RABGAP1L: variants seen among roughly 807,000 people sequenced by gnomAD.
RABGAP1L encodes the protein RAB GTPase activating protein 1 like, also known as rab GTPase-activating protein 1-like.
RABGAP1L carries 63 observed loss-of-function variants against 137.7 expected under a neutral mutation model. The ratio of observed to expected loss-of-function variants is 0.46; its 90% CI spans 0.37 to 0.56. The LOEUF is 0.56. Ranked by LOEUF, RABGAP1L falls within the 20% of genes least tolerant of loss-of-function variation. The pLI, the probability that RABGAP1L is intolerant of heterozygous loss-of-function variation, is 0.00. For synonymous variants in RABGAP1L, 431 were observed against 433.7 expected (o/e 0.99, Z 0.08); for missense variants, 1,095 against 1,244.0 (o/e 0.88, Z 1.80).
intron 13 of RABGAP1L, among the ~76,000 whole-genome samples, chr1:174,461,750 G>T (rs1656715459): frequency 6.6e-6 from 1 of 152,112 alleles, no homozygotes; most frequent in African/African-American, 2.4e-5. Context: ...CTGTGGAAAA[G>T]AATATTTTAG....
Position 174,811,934 on chromosome 1 carries a change from C to G in RABGAP1L, c.2314C>G (p.Leu772Val). ...CAGGGCAGAGGAAAATGCAAGAAGA[C>G]TGATGGAGCAGGCTTGCAATATTAA... ...RYRAEENARR[L>V]MEQACNIKVP... Residue 772 changes from leucine to valine, a missense_variant, in exon 19 of 26, where the codon CTG (leucine) becomes GTG (valine). By Grantham distance (32) the Leu-to-Val change is conservative. Transcript: ENST00000681986. 2 of 1,604,944 alleles carry G rather than the reference C, an allele frequency of 1.2e-6. No individual in the cohort carries two copies. The highest frequency in any genetic ancestry group is 1.7e-6 in the Non-Finnish European group (2 of 1,175,366).
At chr1:174,421,294 G>A (rs756146947) in intron 13 of RABGAP1L, among the ~76,000 whole-genome samples, 3 of 152,090 alleles carry the variant, frequency 2.0e-5, no homozygotes, top group East Asian at 1.9e-4. Flanking sequence ...AGAGTCTTAC[G>A]TACATCTTTT....
chr1:174,422,682 G>A (rs368404413), intron 13 of RABGAP1L, among the ~76,000 whole-genome samples: 10 of 151,542 alleles, frequency 6.6e-5, no homozygotes, highest in East Asian at 1.9e-4. Context: ...AGCTGAGCAC[G>A]GTGGCCTGTA....
rs545925297 is a variant in RABGAP1L, at chr1:174,759,224, T to C, written c.2211+6870T>C. ...TAGTAATTAAACAAATAAATGAATA[T>C]ATATGTTAGTTCATTCTTGCATTGC... On this transcript the variant is annotated intron_variant, in intron 18 of 25. Transcript: ENST00000681986. Among the ~76,000 whole-genome samples the C allele has an allele frequency of 3.3e-5, 5 of 149,730 alleles. No homozygotes were observed. In the South Asian group the frequency reaches 1.0e-3, roughly 31 times the overall value.
chr1:174,180,654 AC>A (rs1666280074), intron 1 of RABGAP1L, among the ~76,000 whole-genome samples: 1 of 151,944 alleles, frequency 6.6e-6, no homozygotes, highest in South Asian at 2.1e-4. Context: ...TTTTGTAGAG[AC>A]AAGATCTCGC....
intron 1 of RABGAP1L, among the ~76,000 whole-genome samples, chr1:174,188,526 C>T (rs188154344): frequency 6.6e-6 from 1 of 152,234 alleles, no homozygotes; most frequent in East Asian, 1.9e-4. Context: ...TGTATAAGCA[C>T]TGTAGAGGGA....
At chr1:174,515,985 T>C (rs999526904) in intron 13 of RABGAP1L, among the ~76,000 whole-genome samples, 5 of 152,136 alleles carry the variant, frequency 3.3e-5, no homozygotes, top group Non-Finnish European at 5.9e-5. Flanking sequence ...AAGCTTCTAA[T>C]AGAAGTGTGT....
At chr1:174,502,630 ATATG>A (rs200659480) in intron 13 of RABGAP1L, among the ~76,000 whole-genome samples, 4,917 of 148,186 alleles carry the variant, frequency 0.033, 115 homozygotes, top group Middle Eastern at 0.09. Flanking sequence ...ATGTACATAT[ATATG>A]TGTGTATATA....
chr1:174,538,807 C>T (rs992026600), intron 13 of RABGAP1L, among the ~76,000 whole-genome samples: 1 of 152,062 alleles, frequency 6.6e-6, no homozygotes, highest in Non-Finnish European at 1.5e-5. Flanking sequence ...CTATAAGTCC[C>T]GTAATACCAC....
Position 174,969,366 on chromosome 1 carries a change from T to C in RABGAP1L, c.2523T>C (p.Ala841=). 6.5e-7 allele frequency: 1 copy of C among 1,550,230 alleles called. No individual in the cohort carries two copies. The highest frequency in any genetic ancestry group is 8.7e-7 in the Non-Finnish European group (1 of 1,146,630). Residue 841 remains alanine, a synonymous_variant, in exon 21 of 26, where the codon GCT becomes GCC. Transcript: ENST00000681986. The part of the protein sequence containing the change: ...LAHELVTSKI[A]LRNDLDQAED... ...ATGAACTAGTAACAAGCAAAATTGC[T>C]CTACGGAATGACTTGGATCAGGTAA...
At chr1:174,349,875 C>G (rs1331058832) in intron 11 of RABGAP1L, among the ~76,000 whole-genome samples, 1 of 144,492 alleles carries the variant, frequency 6.9e-6, no homozygotes, top group Non-Finnish European at 1.6e-5. Flanking sequence ...CCCCCCACCT[C>G]CCTCCTGGAT....
chr1:174,758,487 A>G (rs1684952256), intron 18 of RABGAP1L, among the ~76,000 whole-genome samples: 1 of 151,228 alleles, frequency 6.6e-6, no homozygotes, highest in South Asian at 2.1e-4. Context: ...TCCATTTTCT[A>G]CTTTGTATGC....
intron 7 of RABGAP1L, among the ~76,000 whole-genome samples, chr1:174,271,634 C>G (rs546287891): frequency 2.0e-5 from 3 of 151,998 alleles, no homozygotes; most frequent in East Asian, 3.9e-4. Flanking sequence ...CTTCTCTGGA[C>G]TTTACTTTGC....
intron 1 of RABGAP1L, among the ~76,000 whole-genome samples, chr1:174,199,342 AGTGCAGTGGTGT>A (rs1667938447): frequency 6.6e-6 from 1 of 151,910 alleles, no homozygotes; most frequent in Non-Finnish European, 1.5e-5. Flanking sequence ...CCCAGGCTGA[AGTGCAGTGGTGT>A]GGTCTTGGCT....
At chr1:174,545,744 C>G (rs932835931) in intron 13 of RABGAP1L, 1 of 152,284 alleles carries the variant, frequency 6.6e-6, no homozygotes, top group Non-Finnish European at 1.5e-5. Flanking sequence ...AGTTGTAATA[C>G]TCACTCTTCC....
At chr1:174,294,684 A>T (rs1212042494) in intron 10 of RABGAP1L, among the ~76,000 whole-genome samples, 1 of 152,170 alleles carries the variant, frequency 6.6e-6, no homozygotes, top group Admixed American at 6.5e-5. Flanking sequence ...AGAAATGATG[A>T]TAGCCTCAAG....
intron 22 of RABGAP1L, among the ~76,000 whole-genome samples, chr1:174,976,975 TC>T (rs901709309): frequency 1.3e-5 from 2 of 152,222 alleles, no homozygotes; most frequent in Non-Finnish European, 2.9e-5. Flanking sequence ...ATTGAAGTCT[TC>T]TGCCAAGAGT....
At chr1:174,798,283 T>G (rs113932499) in intron 18 of RABGAP1L, among the ~76,000 whole-genome samples, 2 of 150,494 alleles carry the variant, frequency 1.3e-5, no homozygotes, top group Admixed American at 6.6e-5. Context: ...GGCGGGCGCT[T>G]GTAGTCCCAG....
intron 18 of RABGAP1L, among the ~76,000 whole-genome samples, chr1:174,806,356 T>C (rs911651206): frequency 6.6e-6 from 1 of 152,206 alleles, no homozygotes; most frequent in Non-Finnish European, 1.5e-5. Context: ...TCTTAGCTAC[T>C]AGGAAGACTG....
Sources: gnomAD v4.1 joint callset for allele counts (sites outside exome capture counted in the v4.1 genomes callset) on GRCh38, gnomAD v4.1.1 for gene constraint, MANE v1.5 for transcripts, NCBI Gene and HGNC (gene_info 2026-07-23, HGNC 2026-07-21) for gene names.